PGM1: variants seen among roughly 807,000 people sequenced by gnomAD.
PGM1 encodes the protein phosphoglucomutase 1, also known as phosphoglucomutase-1.
A neutral mutation model predicts 55.6 loss-of-function variants in PGM1; 52 were observed. The ratio of observed to expected loss-of-function variants is 0.94; its 90% confidence interval spans 0.75 to 1.18. The LOEUF (loss-of-function observed/expected upper bound fraction) is 1.18, where lower values mean the gene tolerates loss of function less well. PGM1 is among the 50% of genes most tolerant of loss of function. The pLI is 0.00. For missense variants in PGM1, 724 were observed against 729.3 expected, an observed-to-expected ratio of 0.99 and a Z score of 0.08; for synonymous variants, 287 against 271.7, an observed-to-expected ratio of 1.06 and a Z score of -0.55.
intron 3 of PGM1, among the ~76,000 whole-genome samples, chr1:63,630,556 G>A (rs951039164): frequency 2.6e-4 from 40 of 152,272 alleles, no homozygotes; most frequent in African/African-American, 7.0e-4. Context: ...ATGGCAAAAC[G>A]AAGATTTCAA....
intron 1 of PGM1, chr1:63,594,064 A>G (rs1403052897): frequency 1.9e-6 from 2 of 1,070,728 alleles, no homozygotes; most frequent in Non-Finnish European, 2.3e-6. Context: ...GCCCCTCCCG[A>G]GGCGTCTGAC....
chr1:63,610,943 C>T (rs1269854740), intron 1 of PGM1, among the ~76,000 whole-genome samples: 3 of 152,028 alleles, frequency 2.0e-5, no homozygotes, highest in African/African-American at 7.3e-5. Flanking sequence ...CCAGGTCTAC[C>T]CCTTATGGTT....
Position 63,647,256 on chromosome 1 carries a change from T to TTATA in PGM1, c.1145-1259_1145-1258insTATA, listed in dbSNP as rs1649670948. On this transcript the variant is annotated intron_variant, in intron 7 of 10. Transcript: ENST00000371084. ...AAACTCCGTCTCAAAAAATAAAATT[T>TTATA]TACATATATATATATATATATATAT... Among the ~76,000 whole-genome samples the TTATA allele has an allele frequency of 5.6e-4, 29 of 51,590 alleles. 2 individuals carry two copies. Among genetic ancestry groups the TTATA allele is most frequent in the African/African-American group, 9.9e-4 (28 of 28,194 alleles). 33.8% of individuals were successfully genotyped at this position (51,590 alleles called of 152,430 possible).
At chr1:63,636,005 C>T (rs1649351562) in intron 5 of PGM1, among the ~76,000 whole-genome samples, 1 of 152,236 alleles carries the variant, frequency 6.6e-6, no homozygotes, top group African/African-American at 2.4e-5. Context: ...GGAGGTTGTG[C>T]TTGGACTTTA....
chr1:63,640,328 G>T (rs1207310954), intron 7 of PGM1, among the ~76,000 whole-genome samples: 2 of 152,164 alleles, frequency 1.3e-5, no homozygotes, highest in Non-Finnish European at 2.9e-5. Context: ...GTATGTGGAA[G>T]AATACTAGTT....
chr1:63,595,164 A>C (rs1238921756), intron 1 of PGM1, among the ~76,000 whole-genome samples: 1 of 152,100 alleles, frequency 6.6e-6, no homozygotes, highest in African/African-American at 2.4e-5. Context: ...TATTTATCTT[A>C]TTTTGTTGAC....
intron 1 of PGM1, 94 bp downstream of exon 1, chr1:63,593,828 C>G (rs1647948611): frequency 7.6e-7 from 1 of 1,317,270 alleles, no homozygotes; most frequent in Admixed American, 4.2e-5. Flanking sequence ...CGGCCGCTTC[C>G]GCGCGCTGCC....
intron 10 of PGM1, among the ~76,000 whole-genome samples, chr1:63,657,777 T>A (rs1650005110): frequency 6.6e-6 from 1 of 151,996 alleles, no homozygotes; most frequent in African/African-American, 2.4e-5. Context: ...TTACATTTTT[T>A]CCAGTGGCCA....
At chr1:63,638,607 C>G (rs879120464) in intron 6 of PGM1, 78 bp from the exon 7 acceptor site, 1 of 893,066 alleles carries the variant, frequency 1.1e-6, no homozygotes, top group Non-Finnish European at 1.9e-6. Context: ...ATTACAATAA[C>G]GATTGCCCTT....
chr1:63,628,662 A>G (rs1173081625), intron 1 of PGM1, among the ~76,000 whole-genome samples: 2 of 152,220 alleles, frequency 1.3e-5, no homozygotes, highest in African/African-American at 4.8e-5. Flanking sequence ...GATATAAATT[A>G]CTGTCATTTT....
At chr1:63,608,551 G>A (rs1648486989) in intron 1 of PGM1, among the ~76,000 whole-genome samples, 1 of 152,190 alleles carries the variant, frequency 6.6e-6, no homozygotes, top group Non-Finnish European at 1.5e-5. Flanking sequence ...GGTGGGGACA[G>A]GGAAAGGCCT....
At chr1:63,627,068 C>A (rs867017285) in intron 1 of PGM1, among the ~76,000 whole-genome samples, 3 of 78,320 alleles carry the variant, frequency 3.8e-5, no homozygotes, top group South Asian at 5.7e-4. Context: ...CCCCCCCCCA[C>A]ACACACACAC....
intron 8 of PGM1, among the ~76,000 whole-genome samples, chr1:63,651,022 A>G (rs563608908): frequency 2.0e-5 from 3 of 152,272 alleles, no homozygotes; most frequent in South Asian, 4.2e-4. Flanking sequence ...ACATTTACCT[A>G]TATAACAAAC....
At chr1:63,614,646 T>C (rs1323669816) in intron 1 of PGM1, among the ~76,000 whole-genome samples, 3 of 152,162 alleles carry the variant, frequency 2.0e-5, no homozygotes, top group African/African-American at 7.2e-5. Context: ...CCTTCTAACT[T>C]GGGTTGGCTG....
At chr1:63,610,268 A>G (rs534757608) in intron 1 of PGM1, among the ~76,000 whole-genome samples, 1 of 152,328 alleles carries the variant, frequency 6.6e-6, no homozygotes, top group Non-Finnish European at 1.5e-5. Flanking sequence ...TTGCTTCAGG[A>G]AAGTCATTCC....
chr1:63,653,707 A>G (rs534040767), intron 9 of PGM1, among the ~76,000 whole-genome samples: 29 of 152,240 alleles, frequency 1.9e-4, no homozygotes, highest in African/African-American at 6.7e-4. Context: ...GGAAAAAGAG[A>G]GGGCAGCAGA....
At chr1:63,613,937 G>A (rs2269268) in intron 1 of PGM1, among the ~76,000 whole-genome samples, 55,183 of 152,008 alleles carry the variant, frequency 0.36, 11,562 homozygotes, top group African/African-American at 0.58. Flanking sequence ...GATGAGAAAC[G>A]TGAGCTTTGG....
chr1:63,627,623 C>A lies in PGM1; in HGVS notation c.247-1802C>A, dbSNP rs567586378. 2.0e-5 allele frequency among the ~76,000 whole-genome samples: 3 copies of A among 152,180 alleles called. No individual in the cohort carries two copies. In the East Asian group the frequency reaches 5.8e-4, roughly 29 times the overall value. On this transcript the variant is annotated intron_variant, in intron 1 of 10. Coordinates refer to ENST00000371084, the MANE Select transcript of PGM1 (RefSeq NM_002633.3). The stretch of plus-strand genomic sequence containing the variant: ...CTCTCAACTTTCCTTCTTACTCTTA[C>A]CCCTGGCATAATCCCCTCAGCCTGG...
chr1:63,596,909 G>A (rs1570467302), intron 1 of PGM1, among the ~76,000 whole-genome samples: 1 of 152,208 alleles, frequency 6.6e-6, no homozygotes, highest in African/African-American at 2.4e-5. Context: ...GCTCTGAACT[G>A]TGAGTCACTT....
Sources: allele counts gnomAD v4.1 joint callset (sites outside exome capture counted in the v4.1 genomes callset), GRCh38; gene constraint gnomAD v4.1.1; transcripts MANE v1.5; gene names NCBI Gene and HGNC (gene_info 2026-07-23, HGNC 2026-07-21).